The following SPRED2 variants were observed in gnomAD, a reference collection of about 807,000 sequenced individuals.
SPRED2 encodes the protein sprouty related EVH1 domain containing 2.
In SPRED2, 47 loss-of-function variants were observed where a neutral mutation model predicts 43.0. The ratio of observed to expected loss-of-function variants is 1.09; its 90% CI spans 0.87 to 1.40. The LOEUF is 1.40. Among genes scored for constraint, SPRED2 ranks in the 40% most tolerant of loss-of-function variants. SPRED2 has a pLI of 0.00. For synonymous variants in SPRED2, 225 were observed against 225.7 expected, an observed-to-expected ratio of 1.00 and a Z score of 0.03; for missense variants, 561 against 586.4, an observed-to-expected ratio of 0.96 and a Z score of 0.45.
Position 65,344,733 on chromosome 2 carries a change from G to C in SPRED2, c.190C>G (p.Gln64Glu). The change falls in exon 2 of 6, where the codon CAG becomes GAG. Residue 64 changes from glutamine (Q) to glutamate (E), a missense_variant. Transcript: ENST00000356388. ...TCTGCCATTACCAGTTTGTCTTTCT[G>C]TCGTTCACCATGGATGAGAAAGCCG... ...RSGFLIHGER[Q>E]KDKLVVLECY... 2 of 1,614,110 alleles carry C rather than the reference G, an allele frequency of 1.2e-6. No individual in the cohort carries two copies. The highest frequency in any genetic ancestry group is 1.7e-6 in the Non-Finnish European group (2 of 1,179,972).
intron 1 of SPRED2, among the ~76,000 whole-genome samples, chr2:65,387,808 T>G (rs1482644482): frequency 6.6e-6 from 1 of 152,014 alleles, no homozygotes; most frequent in African/African-American, 2.4e-5. Flanking sequence ...TTTTTCTTTT[T>G]TTTTTTGAGA....
chr2:65,372,198 G>C (rs1675140593), intron 1 of SPRED2, among the ~76,000 whole-genome samples: 1 of 152,178 alleles, frequency 6.6e-6, no homozygotes, highest in Admixed American at 6.5e-5. Flanking sequence ...AGCCCACTCT[G>C]TGTGGGGTGC....
At chr2:65,401,049 C>A (rs185323440) in intron 1 of SPRED2, among the ~76,000 whole-genome samples, 1 of 152,230 alleles carries the variant, frequency 6.6e-6, no homozygotes, top group Admixed American at 6.5e-5. Flanking sequence ...TTCACTGCAA[C>A]CTCTGCCTCC....
intron 1 of SPRED2, among the ~76,000 whole-genome samples, chr2:65,360,079 CAAAAAAA>C (rs143422380): frequency 1.3e-4 from 12 of 93,698 alleles, no homozygotes; most frequent in East Asian, 2.4e-4. Flanking sequence ...AAAAAAAAAA[CAAAAAAA>C]AACAAAAAAA....
chr2:65,307,661 A>G (rs58935771), downstream of SPRED2, among the ~76,000 whole-genome samples: 1,752 of 152,186 alleles, frequency 0.012, 44 homozygotes, highest in African/African-American at 0.041. Flanking sequence ...CCTGACCCCA[A>G]CAGTGCCCTT....
intron 1 of SPRED2, among the ~76,000 whole-genome samples, chr2:65,385,385 G>A (rs1233881815): frequency 4.6e-5 from 7 of 152,182 alleles, no homozygotes; most frequent in African/African-American, 1.4e-4. Context: ...AGATGCCCAC[G>A]CCCTCTGGGG....
chr2:65,380,409 C>A lies in SPRED2; in HGVS notation c.27-35513G>T, dbSNP rs268136. ...GGAGACTCTACTGGCGTTCCAGAGA[C>A]GCTGTCAGAAGTCAAAAGCTGTCTG... On this transcript the variant is annotated intron_variant, in intron 1 of 5. Coordinates refer to ENST00000356388, the MANE Select transcript of SPRED2 (RefSeq NM_181784.3). 2.1e-3 allele frequency among the ~76,000 whole-genome samples: 313 copies of A among 152,116 alleles called. 11 individuals carry two copies. The South Asian group carries it at 0.061, about 30-fold the overall frequency.
chr2:65,322,661 A>G (rs1172489097), intron 4 of SPRED2, among the ~76,000 whole-genome samples: 1 of 152,114 alleles, frequency 6.6e-6, no homozygotes, highest in East Asian at 1.9e-4. Context: ...CCAACATGAC[A>G]TGGAAAAACA....
In SPRED2 at chr2:65,365,739, A is replaced by G. The variant is rs533786461; in HGVS notation, c.27-20843T>C. Among the ~76,000 whole-genome samples the G allele has an allele frequency of 4.6e-5, 7 of 152,352 alleles. No individual in the cohort carries two copies. The South Asian group carries it at 1.5e-3, about 32-fold the overall frequency. On this transcript the variant is annotated intron_variant, in intron 1 of 5. Transcript: ENST00000356388. ...CCCTAACAAGCAAGACTCACAAAGT[A>G]TTTTTTTAAAATATGAGGAGACACT...
chr2:65,350,666 G>A (rs1312861737), intron 1 of SPRED2, among the ~76,000 whole-genome samples: 1 of 152,222 alleles, frequency 6.6e-6, no homozygotes, highest in Non-Finnish European at 1.5e-5. Context: ...AGAGGCAGGT[G>A]ACATTGTAAG....
At chr2:65,409,884 T>G (rs574395503) in intron 1 of SPRED2, among the ~76,000 whole-genome samples, 1 of 151,576 alleles carries the variant, frequency 6.6e-6, no homozygotes, top group East Asian at 1.9e-4. Flanking sequence ...ACAAAAATTA[T>G]CCAGGTGTGG....
At chr2:65,357,571 C>A (rs550899459) in intron 1 of SPRED2, among the ~76,000 whole-genome samples, 1 of 152,154 alleles carries the variant, frequency 6.6e-6, no homozygotes, top group East Asian at 1.9e-4. Context: ...GGCAGAAGTG[C>A]GCATATTCAA....
At chr2:65,325,858 C>A (rs755949897) in intron 4 of SPRED2, among the ~76,000 whole-genome samples, 45 of 152,022 alleles carry the variant, frequency 3.0e-4, no homozygotes, top group Non-Finnish European at 3.1e-4. Context: ...TGGCAGGTGC[C>A]TGTAATCCCA....
intron 1 of SPRED2, among the ~76,000 whole-genome samples, chr2:65,372,388 G>A (rs150983929): frequency 4.6e-5 from 7 of 152,312 alleles, no homozygotes; most frequent in African/African-American, 1.4e-4. Flanking sequence ...TAGAAATATG[G>A]GAAAGTCACT....
chr2:65,407,007 C>G (rs918451248), intron 1 of SPRED2, among the ~76,000 whole-genome samples: 2 of 151,808 alleles, frequency 1.3e-5, no homozygotes, highest in East Asian at 3.9e-4. Flanking sequence ...CGGCTCACTG[C>G]AAGCTCCACC....
chr2:65,386,416 C>T (rs529166160), intron 1 of SPRED2, among the ~76,000 whole-genome samples: 2 of 151,836 alleles, frequency 1.3e-5, no homozygotes, highest in African/African-American at 4.8e-5. Context: ...ATTATGGAGA[C>T]AAGTATTCAC....
chr2:65,333,873 C>T (rs944479214), intron 3 of SPRED2, among the ~76,000 whole-genome samples: 1 of 152,204 alleles, frequency 6.6e-6, no homozygotes, highest in South Asian at 2.1e-4. Flanking sequence ...AACATACATC[C>T]TTTTGTGATT....
intron 1 of SPRED2, among the ~76,000 whole-genome samples, chr2:65,390,890 G>A (rs1675618591): frequency 6.6e-6 from 1 of 152,000 alleles, no homozygotes; most frequent in African/African-American, 2.4e-5. Flanking sequence ...TTTGAGACCA[G>A]CCTAGGCAAC....
At chr2:65,423,009 G>A (rs1201292972) in intron 1 of SPRED2, among the ~76,000 whole-genome samples, 1 of 152,190 alleles carries the variant, frequency 6.6e-6, no homozygotes, top group Non-Finnish European at 1.5e-5. Flanking sequence ...CACTTACGCT[G>A]CTTTAAAAGA....
Sources: gnomAD v4.1 joint callset for allele counts (sites outside exome capture counted in the v4.1 genomes callset) on GRCh38, gnomAD v4.1.1 for gene constraint, MANE v1.5 for transcripts, NCBI Gene and HGNC (gene_info 2026-07-23, HGNC 2026-07-21) for gene names.